Variants in KANK1 observed in about 807,000 individuals in gnomAD.
The protein encoded by KANK1 is KN motif and ankyrin repeat domain-containing protein 1.
In KANK1, 109 loss-of-function variants were observed where a neutral mutation model predicts 106.2. The observed-to-expected ratio is 1.03, with a 90% CI of 0.88 to 1.20. The LOEUF (loss-of-function observed/expected upper bound fraction) is 1.20. KANK1 is among the 50% of genes most tolerant of loss of function. The pLI, the probability that KANK1 is intolerant of heterozygous loss-of-function variation, is 0.00. For missense variants in KANK1, 2,399 were observed against 1,710.7 expected (o/e 1.40, Z -7.10); for synonymous variants, 873 against 652.2 (o/e 1.34, Z -5.16).
intron 1 of KANK1, among the ~76,000 whole-genome samples, chr9:576,818 A>C (rs1287680183): frequency 1.3e-5 from 2 of 152,080 alleles, no homozygotes; most frequent in East Asian, 3.9e-4. Flanking sequence ...GTGCATGATA[A>C]ATAACTGTTA....
intron 3 of KANK1, among the ~76,000 whole-genome samples, chr9:479,976 T>C (rs1564111269): frequency 6.6e-6 from 1 of 152,158 alleles, no homozygotes; most frequent in Non-Finnish European, 1.5e-5. Flanking sequence ...AACAGAAAAA[T>C]ATGGGTTTTT....
At chr9:723,195 G>A (rs1347456049) in intron 3 of KANK1, among the ~76,000 whole-genome samples, 2 of 152,092 alleles carry the variant, frequency 1.3e-5, no homozygotes, top group African/African-American at 4.8e-5. Context: ...TAAAGTTCCC[G>A]CAGGCAAGAT....
chr9:686,471 A>G (rs1818594810), intron 2 of KANK1, among the ~76,000 whole-genome samples: 2 of 152,120 alleles, frequency 1.3e-5, no homozygotes, highest in South Asian at 4.1e-4. Flanking sequence ...CAGCCTGATG[A>G]TACACTGATT....
intron 1 of KANK1, among the ~76,000 whole-genome samples, chr9:581,525 CA>C (rs1822158750): frequency 6.6e-6 from 1 of 150,812 alleles, no homozygotes; most frequent in Non-Finnish European, 1.5e-5. Context: ...AACCATTCTT[CA>C]TTAGTGCACT....
intron 1 of KANK1, among the ~76,000 whole-genome samples, chr9:546,027 G>C (rs1341942825): frequency 2.6e-5 from 4 of 152,218 alleles, no homozygotes; most frequent in South Asian, 4.1e-4. Flanking sequence ...GATTACAGGT[G>C]TGAGCCACCA....
At chr9:735,905 G>T (rs1462737382) in intron 7 of KANK1, 4 of 239,906 alleles carry the variant, frequency 1.7e-5, no homozygotes, top group Admixed American at 4.1e-5. Flanking sequence ...TGAGGCTGGA[G>T]AATTGCTTGC....
chr9:674,899 T>A (rs1816067520), intron 1 of KANK1, among the ~76,000 whole-genome samples: 1 of 152,006 alleles, frequency 6.6e-6, no homozygotes, highest in Non-Finnish European at 1.5e-5. Context: ...GAGAAGAGGT[T>A]TTGCCATGTT....
intron 1 of KANK1, among the ~76,000 whole-genome samples, chr9:625,986 A>T (rs1834255301): frequency 6.6e-6 from 1 of 151,136 alleles, no homozygotes; most frequent in Non-Finnish European, 1.5e-5. Flanking sequence ...AACTTTCTGG[A>T]CCTCCCCTTT....
At chr9:614,959 T>C (rs11792648) in intron 1 of KANK1, among the ~76,000 whole-genome samples, 38,731 of 148,658 alleles carry the variant, frequency 0.26, 5,160 homozygotes, top group Admixed American at 0.35. Flanking sequence ...ATCCCCCCCC[T>C]GCCCTTTTTT....
chr9:711,921 C>T lies in KANK1; in HGVS notation c.1155C>T (p.Ser385=), dbSNP rs1408607299. The change falls in exon 3 of 12, where the codon AGC becomes AGT. Residue 385 remains serine, a synonymous_variant. Coordinates refer to ENST00000382297, the MANE Select transcript of KANK1 (RefSeq NM_015158.5). ...QALEQKIQDS[S]CEASSELREN... Reference sequence around the variant, plus strand: ...TGGAGCAGAAGATCCAGGACAGCAGCTGTGAGGCCTCCTCAGAGCTCAGGG... The same window carrying T: ...TGGAGCAGAAGATCCAGGACAGCAGTTGTGAGGCCTCCTCAGAGCTCAGGG... The T allele has an allele frequency of 1.9e-6, 3 of 1,614,162 alleles. No homozygotes were observed. The highest frequency in any genetic ancestry group is 2.5e-6 in the Non-Finnish European group (3 of 1,180,024).
At position 533,152 on chromosome 9, in the gene KANK1, A is replaced by G. The variant is rs148320610; in HGVS notation, c.-84+28398A>G. On this transcript the variant is annotated intron_variant, in intron 1 of 11. Coordinates refer to ENST00000382297, the MANE Select transcript of KANK1 (RefSeq NM_015158.5). ...AGCTGAGTGTGTGAGGTTTTGAACA[A>G]AGGTTGTTGAAAAAAGGAGATAATC... Among the ~76,000 whole-genome samples the G allele has an allele frequency of 4.0e-3, 615 of 152,286 alleles. 4 individuals are homozygous for G. Among genetic ancestry groups the G allele is most frequent in the African/African-American group, 0.014 (575 of 41,564 alleles).
chr9:641,116 T>A (rs2137144975), intron 1 of KANK1, among the ~76,000 whole-genome samples: 1 of 152,320 alleles, frequency 6.6e-6, no homozygotes, highest in East Asian at 1.9e-4. Context: ...TTTCCATTTA[T>A]ACCAGTGATA....
rs768889835 is a variant in KANK1 at position 711,527 on chromosome 9, A to T, written c.761A>T (p.Asn254Ile). 1.9e-6 allele frequency: 3 copies of T among 1,613,698 alleles called. No individual in the cohort carries two copies. Among genetic ancestry groups the T allele is most frequent in the Non-Finnish European group, 2.5e-6 (3 of 1,179,898 alleles). ...TCAGGGATCTCCACCCCAGTGACCA[A>T]CGTGAGCCCCATGCACCTGCAGCAC... The part of the protein sequence containing the change: ...LSSGISTPVT[N>I]VSPMHLQHIR... The change falls in exon 3 of 12, where the codon AAC becomes ATC. Residue 254 changes from asparagine (N) to isoleucine (I), a missense_variant. Asn to Ile is a moderately radical substitution (Grantham distance 149, BLOSUM62 -3). Coordinates refer to ENST00000382297, the MANE Select transcript of KANK1 (RefSeq NM_015158.5).
chr9:627,950 CAAAAA>C (rs57957168), intron 1 of KANK1, among the ~76,000 whole-genome samples: 11 of 147,136 alleles, frequency 7.5e-5, no homozygotes, highest in Non-Finnish European at 1.5e-4. Context: ...AAAATTACAA[CAAAAA>C]AAAAAGAAAA....
chr9:709,516 C>T (rs1825324144), intron 2 of KANK1, among the ~76,000 whole-genome samples: 1 of 151,804 alleles, frequency 6.6e-6, no homozygotes, highest in Non-Finnish European at 1.5e-5. Context: ...CCTCAGATAA[C>T]ACTTTGAAAA....
In KANK1 at chr9:518,806, TA is replaced by T. The variant is rs1438286095; in HGVS notation, c.-84+14053del. On this transcript the variant is annotated intron_variant, in intron 1 of 11. Transcript: ENST00000382297. The stretch of plus-strand genomic sequence containing the variant: ...TGGAACTCTGGCAGGAAGTAAAGGG[TA>T]GAGGCAGGCTCAGGGACCCAAGTCT... 6.6e-5 allele frequency among the ~76,000 whole-genome samples: 10 copies of T among 151,612 alleles called. No individual in the cohort carries two copies. In the South Asian group the frequency reaches 2.1e-3, roughly 31 times the overall value.
chr9:724,480 T>C (rs1830159051), intron 3 of KANK1, among the ~76,000 whole-genome samples: 1 of 152,176 alleles, frequency 6.6e-6, no homozygotes, highest in Non-Finnish European at 1.5e-5. Flanking sequence ...AGGAAAATGC[T>C]TCGTACAAGC....
chr9:543,588 C>T (rs2060744520), intron 1 of KANK1, among the ~76,000 whole-genome samples: 1 of 148,950 alleles, frequency 6.7e-6, no homozygotes, highest in South Asian at 2.2e-4. Flanking sequence ...AATTGAAAAT[C>T]CGCAAGCTTC....
At chr9:492,404 T>G (rs1293978558) in intron 3 of KANK1, among the ~76,000 whole-genome samples, 3 of 152,168 alleles carry the variant, frequency 2.0e-5, no homozygotes, top group Non-Finnish European at 4.4e-5. Flanking sequence ...TATATGCTGA[T>G]TTACTTACTA....
Sources: allele counts gnomAD v4.1 joint callset (sites outside exome capture counted in the v4.1 genomes callset), GRCh38; gene constraint gnomAD v4.1.1; transcripts MANE v1.5; gene names NCBI Gene and HGNC (gene_info 2026-07-23, HGNC 2026-07-21).